Variants in ROBO1 observed in about 807,000 individuals in gnomAD.
The protein encoded by ROBO1 is roundabout guidance receptor 1.
In ROBO1, 149 loss-of-function variants were observed where a neutral mutation model predicts 195.9. The ratio of observed to expected loss-of-function variants is 0.76; its 90% CI spans 0.67 to 0.87. The LOEUF (loss-of-function observed/expected upper bound fraction) is 0.87, where lower values mean the gene tolerates loss of function less well. Ranked by LOEUF, ROBO1 falls within the 40% of genes least tolerant of loss-of-function variation. The pLI is 0.00. For synonymous variants in ROBO1, 816 were observed against 733.2 expected (o/e 1.11, Z -1.82); for missense variants, 1,933 against 2,068.3 (o/e 0.93, Z 1.27).
intron 2 of ROBO1, among the ~76,000 whole-genome samples, chr3:79,505,869 G>A (rs912336476): frequency 6.6e-6 from 1 of 152,168 alleles, no homozygotes; most frequent in South Asian, 2.1e-4. Flanking sequence ...GGTGAGGTAT[G>A]CTTTGAATGA....
chr3:79,733,711 A>G (rs7648850), intron 1 of ROBO1, among the ~76,000 whole-genome samples: 132,675 of 152,180 alleles, frequency 0.87, 57,886 homozygotes, highest in Middle Eastern at 0.89. Context: ...GTATAGGAGT[A>G]TTTTTGCTGT....
chr3:78,898,380 G>GTTTTTTTTTTTTTTTTTTTTTTTTTTTTT (rs773377988), intron 4 of ROBO1, among the ~76,000 whole-genome samples: 1 of 100,998 alleles, frequency 9.9e-6, no homozygotes, highest in Non-Finnish European at 1.8e-5. Context: ...GATAGATAGG[G>GTTTTTTTTTTTTTTTTTTTTTTTTTTTTT]TTTTTTTTTT....
chr3:79,380,702 C>A (rs753415275), intron 2 of ROBO1, among the ~76,000 whole-genome samples: 67 of 152,066 alleles, frequency 4.4e-4, no homozygotes, highest in Non-Finnish European at 8.2e-4. Context: ...CTATCCAATG[C>A]GACTGAGACT....
chr3:79,114,089 G>T (rs1490270906), intron 3 of ROBO1, among the ~76,000 whole-genome samples: 1 of 152,114 alleles, frequency 6.6e-6, no homozygotes, highest in Non-Finnish European at 1.5e-5. Context: ...TGTCTTTCCT[G>T]CCTTCATGTA....
At chr3:79,206,501 A>AAAAAGAAATTAAGGCATACTACAT (rs2081870338) in intron 2 of ROBO1, among the ~76,000 whole-genome samples, 1 of 152,276 alleles carries the variant, frequency 6.6e-6, no homozygotes, top group Admixed American at 6.5e-5. Context: ...ATGAAGAAAG[A>AAAAAGAAATTAAGGCATACTACAT]AAAAGAAATT....
At chr3:78,882,812 C>CTTT (rs34634729) in intron 4 of ROBO1, among the ~76,000 whole-genome samples, 11 of 136,478 alleles carry the variant, frequency 8.1e-5, no homozygotes, top group Non-Finnish European at 7.8e-5. Flanking sequence ...TCTTCCTAAT[C>CTTT]TTTTTTTTTT....
intron 8 of ROBO1, among the ~76,000 whole-genome samples, chr3:78,705,656 T>C (rs1028138525): frequency 1.2e-4 from 19 of 152,278 alleles, no homozygotes; most frequent in Admixed American, 6.5e-4. Context: ...TGACGGTGTT[T>C]CTGGAAGAGA....
chr3:79,650,908 GT>G (rs1945985893), intron 1 of ROBO1, among the ~76,000 whole-genome samples: 1 of 151,858 alleles, frequency 6.6e-6, no homozygotes, highest in Non-Finnish European at 1.5e-5. Context: ...TAAATAACAT[GT>G]TATTAAATAA....
intron 2 of ROBO1, among the ~76,000 whole-genome samples, chr3:79,326,011 G>C (rs770564456): frequency 2.6e-5 from 4 of 152,092 alleles, no homozygotes; most frequent in Non-Finnish European, 4.4e-5. Flanking sequence ...GGGTGTGGCC[G>C]TCTACTATGG....
At chr3:79,719,219 C>A (rs1222346764) in intron 1 of ROBO1, among the ~76,000 whole-genome samples, 2 of 152,036 alleles carry the variant, frequency 1.3e-5, no homozygotes, top group Non-Finnish European at 2.9e-5. Context: ...ATTCTAATTC[C>A]TCCTAACAAG....
chr3:79,496,047 T>C (rs1346112775), intron 2 of ROBO1, among the ~76,000 whole-genome samples: 1 of 151,818 alleles, frequency 6.6e-6, no homozygotes, highest in Non-Finnish European at 1.5e-5. Context: ...ACCCCGTCTC[T>C]ACTAAAAATA....
chr3:78,875,200 C>A (rs931056353), intron 4 of ROBO1, among the ~76,000 whole-genome samples: 3 of 151,918 alleles, frequency 2.0e-5, no homozygotes, highest in Admixed American at 2.0e-4. Flanking sequence ...GCACTAATTT[C>A]GGACTTCTTA....
At chr3:79,472,015 C>T (rs567531306) in intron 2 of ROBO1, among the ~76,000 whole-genome samples, 1 of 151,936 alleles carries the variant, frequency 6.6e-6, no homozygotes, top group Non-Finnish European at 1.5e-5. Context: ...AGCAAACCAC[C>T]AAGGCACGTG....
chr3:78,657,256 C>T lies in ROBO1; in HGVS notation c.2456G>A (p.Gly819Asp). ...GTTGATGTGGTATCGAGTTTCATTG[C>T]CCAGACACCAAACCTGTAAGAAGCA... is the stretch of plus-strand genomic sequence containing the variant. ...MVQEYKVWCL[G>D]NETRYHINKT... The change falls in exon 18 of 31, where the codon GGC becomes GAC. Residue 819 changes from glycine (G) to aspartate (D), a missense_variant. This residue lies in a region of ROBO1 where 1,737 missense variants were observed against 1,882.5 expected (regional missense o/e 0.92). Coordinates refer to ENST00000464233, the MANE Select transcript of ROBO1 (RefSeq NM_002941.4). The T allele has an allele frequency of 6.2e-7, 1 of 1,613,428 alleles. No individual in the cohort carries two copies. Among genetic ancestry groups the T allele is most frequent in the South Asian group, 1.1e-5 (1 of 90,952 alleles).
intron 22 of ROBO1, among the ~76,000 whole-genome samples, chr3:78,639,302 A>T (rs1253199431): frequency 6.6e-6 from 1 of 151,936 alleles, no homozygotes; most frequent in East Asian, 1.9e-4. Context: ...ACTTAAAAAA[A>T]ATATATAAAA....
chr3:79,046,745 T>C (rs559489175), intron 3 of ROBO1, among the ~76,000 whole-genome samples: 1 of 152,232 alleles, frequency 6.6e-6, no homozygotes, highest in South Asian at 2.1e-4. Context: ...ACCCAGATTA[T>C]GGGTGGATCT....
At chr3:78,913,891 G>C (rs562533948) in intron 4 of ROBO1, among the ~76,000 whole-genome samples, 2 of 152,162 alleles carry the variant, frequency 1.3e-5, no homozygotes, top group Admixed American at 6.5e-5. Flanking sequence ...AGAGAGGGTC[G>C]TATTTCCCTA....
intron 3 of ROBO1, among the ~76,000 whole-genome samples, chr3:78,946,040 G>A (rs182250106): frequency 9.7e-4 from 148 of 152,240 alleles, no homozygotes; most frequent in Admixed American, 2.6e-3. Context: ...CCAAATCTAC[G>A]TCTGATTGGT....
intron 2 of ROBO1, among the ~76,000 whole-genome samples, chr3:79,559,198 T>C (rs1479114259): frequency 6.6e-6 from 1 of 152,190 alleles, no homozygotes; most frequent in South Asian, 2.1e-4. Context: ...TTAGCTTTCA[T>C]GATAAGCCTA....
Sources: gnomAD v4.1 joint callset for allele counts (sites outside exome capture counted in the v4.1 genomes callset) on GRCh38, gnomAD v4.1.1 for gene constraint, gnomAD v4.1.1 regional missense constraint, MANE v1.5 for transcripts, NCBI Gene and HGNC (gene_info 2026-07-23, HGNC 2026-07-21) for gene names.